Variants in MSI2 observed in about 807,000 individuals in gnomAD.
MSI2 encodes the protein RNA-binding protein Musashi homolog 2.
In MSI2, 17 loss-of-function variants were observed where a neutral mutation model predicts 45.6. The observed-to-expected ratio is 0.37, with a 90% CI of 0.26 to 0.56. The LOEUF (loss-of-function observed/expected upper bound fraction) is 0.56. Ranked by LOEUF, MSI2 falls within the 20% of genes least tolerant of loss-of-function variation. The probability of loss-of-function intolerance (pLI) is 0.77; values close to 1 mark genes in which losing one functional copy is unlikely to be tolerated. For missense variants in MSI2, 293 were observed against 444.2 expected (o/e 0.66, Z 3.06); for synonymous variants, 156 against 158.2 (o/e 0.99, Z 0.11).
intron 7 of MSI2, among the ~76,000 whole-genome samples, chr17:57,572,461 G>T (rs745984950): frequency 3.3e-5 from 5 of 152,182 alleles, no homozygotes; most frequent in Non-Finnish European, 7.3e-5. Flanking sequence ...AGCTTCTGAC[G>T]ATTTGCTTTT....
At position 57,260,247 on chromosome 17, in the gene MSI2, C is replaced by T. The variant is rs112452093; in HGVS notation, c.270+1893C>T. On this transcript the variant is annotated intron_variant, in intron 4 of 13. Coordinates refer to ENST00000284073, the MANE Select transcript of MSI2 (RefSeq NM_138962.4). ...TGCCATGCTTAACTTGACCCTTCCT[C>T]TCCTTCAGAGATCTCAGCGTGTAAA... 4.6e-5 allele frequency among the ~76,000 whole-genome samples: 7 copies of T among 152,338 alleles called. 1 individual carries two copies. The highest frequency in any genetic ancestry group is 1.7e-4 in the African/African-American group (7 of 41,576).
At chr17:57,569,819 A>C (rs1269019524) in intron 7 of MSI2, among the ~76,000 whole-genome samples, 2 of 152,174 alleles carry the variant, frequency 1.3e-5, no homozygotes, top group African/African-American at 2.4e-5. Context: ...TGGAACCAAA[A>C]TTATCTTCCT....
At chr17:57,521,435 G>A (rs1033940158) in intron 6 of MSI2, among the ~76,000 whole-genome samples, 6 of 152,100 alleles carry the variant, frequency 3.9e-5, no homozygotes, top group African/African-American at 1.4e-4. Context: ...CAATGGTTTT[G>A]TTAGGTTTTC....
intron 11 of MSI2, among the ~76,000 whole-genome samples, chr17:57,670,571 C>T (rs1429043269): frequency 6.6e-6 from 1 of 152,154 alleles, no homozygotes; most frequent in Non-Finnish European, 1.5e-5. Context: ...TGTGAAATAC[C>T]ACCAACTTTC....
chr17:57,577,570 A>G (rs563568289), intron 7 of MSI2, among the ~76,000 whole-genome samples: 6 of 152,348 alleles, frequency 3.9e-5, no homozygotes, highest in Admixed American at 1.3e-4. Context: ...GCAAGAGAAA[A>G]GGATAAAATG....
rs577446079 is a variant in MSI2, at chr17:57,490,309, G to A, written c.406-39367G>A. Among the ~76,000 whole-genome samples, 7 of 152,332 alleles carry A rather than the reference G, an allele frequency of 4.6e-5. 1 individual carries two copies. The South Asian group carries it at 1.5e-3, about 32-fold the overall frequency. On this transcript the variant is annotated intron_variant, in intron 6 of 13. Transcript: ENST00000284073. ...TCCTTTGTTCTCTTAAGTCTAATAT[G>A]TTTAGATCTATTGCTGACACCTGAT...
chr17:57,623,967 C>T (rs1022505690), intron 9 of MSI2, among the ~76,000 whole-genome samples: 2 of 152,294 alleles, frequency 1.3e-5, no homozygotes, highest in East Asian at 1.9e-4. Context: ...TGGCAGATGC[C>T]GAATTCTCAT....
At chr17:57,318,845 G>T (rs960835723) in intron 5 of MSI2, among the ~76,000 whole-genome samples, 1 of 152,160 alleles carries the variant, frequency 6.6e-6, no homozygotes, top group African/African-American at 2.4e-5. Context: ...TTAGGATTCC[G>T]TGGCTGATTT....
At chr17:57,621,861 G>A (rs1908317938) in intron 9 of MSI2, among the ~76,000 whole-genome samples, 1 of 152,128 alleles carries the variant, frequency 6.6e-6, no homozygotes, top group African/African-American at 2.4e-5. Context: ...CTTAGGCCAG[G>A]TCTCCCACCT....
chr17:57,257,347 A>G (rs1906878718), intron 2 of MSI2, 119 bp from the exon 3 acceptor site: 3 of 693,416 alleles, frequency 4.3e-6, no homozygotes, highest in Admixed American at 3.2e-5. Flanking sequence ...AAAATGCAAA[A>G]ACAAAACAGA....
At chr17:57,445,493 T>C (rs931635888) in intron 6 of MSI2, among the ~76,000 whole-genome samples, 6 of 152,034 alleles carry the variant, frequency 3.9e-5, no homozygotes, top group African/African-American at 9.7e-5. Context: ...TTGGGGTCTT[T>C]TGTTGTGTTG....
chr17:57,256,880 A>T, intron 1 of MSI2, 76 bp downstream of exon 1: 5 of 1,205,898 alleles, frequency 4.1e-6, no homozygotes, highest in Non-Finnish European at 4.5e-6. Context: ...CGGTGCGCGG[A>T]GCCGGGCATC....
At chr17:57,362,624 G>A (rs780511370) in intron 5 of MSI2, among the ~76,000 whole-genome samples, 1 of 152,066 alleles carries the variant, frequency 6.6e-6, no homozygotes, top group Non-Finnish European at 1.5e-5. Flanking sequence ...GCTTTGAGTT[G>A]GAGGAGCCAT....
intron 8 of MSI2, among the ~76,000 whole-genome samples, chr17:57,597,983 G>T (rs1344321864): frequency 6.6e-6 from 1 of 152,180 alleles, no homozygotes; most frequent in African/African-American, 2.4e-5. Context: ...GGGAAGTCGT[G>T]TAGGCCTCCC....
intron 10 of MSI2, among the ~76,000 whole-genome samples, chr17:57,640,882 A>T (rs1019940313): frequency 2.0e-5 from 3 of 152,162 alleles, no homozygotes; most frequent in South Asian, 2.1e-4. Context: ...TGTAATGACT[A>T]TTTTCTCATC....
At chr17:57,383,835 C>G (rs1250281244) in intron 5 of MSI2, among the ~76,000 whole-genome samples, 1 of 152,096 alleles carries the variant, frequency 6.6e-6, no homozygotes, top group Non-Finnish European at 1.5e-5. Context: ...AGGTTTACCC[C>G]CAATGAATAC....
At chr17:57,385,392 G>A (rs1228430285) in intron 5 of MSI2, among the ~76,000 whole-genome samples, 1 of 152,158 alleles carries the variant, frequency 6.6e-6, no homozygotes, top group Non-Finnish European at 1.5e-5. Context: ...GATATTCCAT[G>A]CTGCTGTGAC....
chr17:57,271,887 GT>G (rs1238348344), intron 5 of MSI2, among the ~76,000 whole-genome samples: 2 of 151,662 alleles, frequency 1.3e-5, no homozygotes, highest in Non-Finnish European at 2.9e-5. Flanking sequence ...CGCTATAAAA[GT>G]TTTTTTCTTT....
At chr17:57,311,699 G>A (rs1341483956) in intron 5 of MSI2, among the ~76,000 whole-genome samples, 1 of 152,116 alleles carries the variant, frequency 6.6e-6, no homozygotes, top group Non-Finnish European at 1.5e-5. Context: ...TACAGGCATG[G>A]GCTGGCTGCT....
Sources: gnomAD v4.1 joint callset for allele counts (sites outside exome capture counted in the v4.1 genomes callset) on GRCh38, gnomAD v4.1.1 for gene constraint, MANE v1.5 for transcripts, NCBI Gene and HGNC (gene_info 2026-07-23, HGNC 2026-07-21) for gene names.